Variants in ESRRG observed in about 807,000 individuals in gnomAD.
The protein encoded by ESRRG is estrogen-related receptor gamma.
A neutral mutation model predicts 44.0 loss-of-function variants in ESRRG; 13 were observed. The ratio of observed to expected loss-of-function variants is 0.30; its 90% CI spans 0.19 to 0.47. ESRRG has a LOEUF of 0.47. Ranked by LOEUF, ESRRG falls within the 20% of genes least tolerant of loss-of-function variation. The pLI, the probability that ESRRG is intolerant of heterozygous loss-of-function variation, is 1.00. For missense variants in ESRRG, 395 were observed against 580.6 expected, an observed-to-expected ratio of 0.68 and a Z score of 3.29; for synonymous variants, 215 against 214.6, an observed-to-expected ratio of 1.00 and a Z score of -0.02.
chr1:216,965,848 A>AGTCTGT (rs767256330), intron 1 of ESRRG, among the ~76,000 whole-genome samples: 5 of 152,134 alleles, frequency 3.3e-5, no homozygotes, highest in African/African-American at 4.8e-5. Flanking sequence ...TACTCTAAGA[A>AGTCTGT]GTCTGTGGAT....
At chr1:216,893,625 T>G (rs760285822) in intron 2 of ESRRG, among the ~76,000 whole-genome samples, 1 of 152,098 alleles carries the variant, frequency 6.6e-6, no homozygotes, top group Non-Finnish European at 1.5e-5. Context: ...ATTTCCTTCC[T>G]TCAAGGAGCT....
chr1:216,603,521 C>A (rs907120781), intron 3 of ESRRG, among the ~76,000 whole-genome samples: 2 of 152,176 alleles, frequency 1.3e-5, no homozygotes, highest in Admixed American at 6.5e-5. Flanking sequence ...GCTTTCATTG[C>A]AGATCAGTTT....
At chr1:216,788,251 A>T (rs1449701418) in intron 2 of ESRRG, among the ~76,000 whole-genome samples, 2 of 152,170 alleles carry the variant, frequency 1.3e-5, no homozygotes, top group Non-Finnish European at 2.9e-5. Context: ...GGAGAAGTCA[A>T]TTCCTGACTT....
intron 1 of ESRRG, among the ~76,000 whole-genome samples, chr1:216,687,877 G>A (rs1393540981): frequency 6.6e-6 from 1 of 152,052 alleles, no homozygotes; most frequent in Non-Finnish European, 1.5e-5. Flanking sequence ...GATTGCTTCT[G>A]GCATTTAAAA....
At chr1:216,559,472 A>C (rs2058281498) in intron 5 of ESRRG, among the ~76,000 whole-genome samples, 1 of 152,228 alleles carries the variant, frequency 6.6e-6, no homozygotes, top group Non-Finnish European at 1.5e-5. Flanking sequence ...ACAAATCAAT[A>C]AACATTTTTC....
chr1:216,853,552 C>A (rs190440369), intron 2 of ESRRG, among the ~76,000 whole-genome samples: 20 of 152,278 alleles, frequency 1.3e-4, no homozygotes, highest in Admixed American at 1.0e-3. Context: ...TGTCTTTATT[C>A]ATGCAGCCCC....
intron 3 of ESRRG, among the ~76,000 whole-genome samples, chr1:216,646,664 T>C (rs1030974911): frequency 2.6e-5 from 4 of 152,202 alleles, no homozygotes; most frequent in East Asian, 1.9e-4. Context: ...CAGTATCTCA[T>C]TGGCTATTTA....
intron 2 of ESRRG, among the ~76,000 whole-genome samples, chr1:216,824,537 GTA>G (rs1356530829): frequency 1.3e-5 from 2 of 150,532 alleles, no homozygotes; most frequent in African/African-American, 4.9e-5. Context: ...ATGATAAAAT[GTA>G]GTCTTAGGCA....
At chr1:216,951,336 C>T (rs1038367236) in intron 1 of ESRRG, among the ~76,000 whole-genome samples, 9 of 152,162 alleles carry the variant, frequency 5.9e-5, no homozygotes, top group African/African-American at 2.2e-4. Context: ...TGCAGTGATA[C>T]TAATAAATCA....
In ESRRG at chr1:216,505,060, A is replaced by G. The variant is rs2040964091; in HGVS notation, c.*1879T>C. ...TAAAATTCAGAAAAGCACAGCAAACATGAAACATTGAAAAGCTGAACTACA... is the reference window on the plus strand; with the variant it reads ...TAAAATTCAGAAAAGCACAGCAAACGTGAAACATTGAAAAGCTGAACTACA... On this transcript the variant is annotated 3_prime_UTR_variant, in exon 7 of 7. Coordinates refer to ENST00000408911, the MANE Select transcript of ESRRG (RefSeq NM_001438.4). 6.6e-6 allele frequency: 1 copy of G among 152,656 alleles called. No individual in the cohort carries two copies. The highest frequency in any genetic ancestry group is 2.1e-4 in the South Asian group (1 of 4,832). The allele number at this position is 152,656 out of a possible 1,614,324, so 9.5% of individuals were successfully genotyped here.
intron 2 of ESRRG, among the ~76,000 whole-genome samples, chr1:216,769,455 T>C (rs1028691861): frequency 1.3e-5 from 2 of 152,010 alleles, no homozygotes; most frequent in African/African-American, 4.8e-5. Context: ...TTGGGAAAGA[T>C]CATTTAAGGT....
At chr1:216,644,956 C>G (rs924889782) in intron 3 of ESRRG, among the ~76,000 whole-genome samples, 4 of 152,214 alleles carry the variant, frequency 2.6e-5, no homozygotes, top group African/African-American at 9.6e-5. Flanking sequence ...TAAAATCTGA[C>G]TGGTAGCAAT....
intron 1 of ESRRG, among the ~76,000 whole-genome samples, chr1:216,953,113 A>G (rs942605881): frequency 6.6e-6 from 1 of 152,162 alleles, no homozygotes; most frequent in Non-Finnish European, 1.5e-5. Flanking sequence ...TCGAAATGGT[A>G]GCTACAATGA....
intron 2 of ESRRG, among the ~76,000 whole-genome samples, chr1:216,738,069 G>T (rs1050603165): frequency 6.7e-6 from 1 of 148,954 alleles, no homozygotes; most frequent in African/African-American, 2.5e-5. Context: ...AGATAATCTG[G>T]TTCCACTTTG....
chr1:216,630,732 A>G (rs569763554), intron 3 of ESRRG, among the ~76,000 whole-genome samples: 10 of 152,294 alleles, frequency 6.6e-5, no homozygotes, highest in African/African-American at 2.4e-4. Context: ...TCCCCTCTGC[A>G]GTGTTGTCAG....
At position 216,873,243 on chromosome 1, in the gene ESRRG, C is replaced by T. The variant is rs982254344; in HGVS notation, c.-14+66339G>A. 8.7e-5 allele frequency among the ~76,000 whole-genome samples: 9 copies of T among 103,198 alleles called. 1 individual carries two copies. The highest frequency in any genetic ancestry group is 3.3e-4 in the African/African-American group (8 of 24,428). 67.7% of individuals were successfully genotyped at this position (103,198 alleles called of 152,430 possible). A position where few individuals can be genotyped will look rare whatever the true frequency, so the allele number is the denominator to read the frequency against. The stretch of plus-strand genomic sequence containing the variant: ...TTTTTTTTTTTTTGACAGAGTTTCA[C>T]TGTTGTCGCTCAGGCTGAAATGCAA... On this transcript the variant is annotated intron_variant, in intron 2 of 7. Coordinates refer to the ESRRG transcript ENST00000359162.
intron 3 of ESRRG, among the ~76,000 whole-genome samples, chr1:216,648,792 G>T (rs1345981003): frequency 6.6e-6 from 1 of 152,008 alleles, no homozygotes. Flanking sequence ...ATTAATTTTA[G>T]AACTTTTTAA....
At chr1:216,769,570 G>A (rs2093288336) in intron 2 of ESRRG, among the ~76,000 whole-genome samples, 1 of 152,070 alleles carries the variant, frequency 6.6e-6, no homozygotes. Flanking sequence ...GTGCATACAT[G>A]AAGCCGTCAC....
chr1:216,691,816 T>A (rs754547887), intron 1 of ESRRG, among the ~76,000 whole-genome samples: 1 of 152,162 alleles, frequency 6.6e-6, no homozygotes, highest in East Asian at 1.9e-4. Context: ...TCATGCATCA[T>A]GTAACAACAC....
Sources: gnomAD v4.1 joint callset for allele counts (sites outside exome capture counted in the v4.1 genomes callset) on GRCh38, gnomAD v4.1.1 for gene constraint, MANE v1.5 for transcripts, NCBI Gene and HGNC (gene_info 2026-07-23, HGNC 2026-07-21) for gene names.